LRRC4C: variants seen among roughly 807,000 people sequenced by gnomAD.
LRRC4C encodes leucine rich repeat containing 4C, also known as leucine-rich repeat-containing protein 4C.
Under a neutral mutation model 33.6 loss-of-function variants are expected in LRRC4C, and 5 were observed. The observed-to-expected ratio is 0.15, with a 90% confidence interval of 0.08 to 0.31. The LOEUF (loss-of-function observed/expected upper bound fraction) is 0.31, where lower values mean the gene tolerates loss of function less well. Ranked by LOEUF, LRRC4C falls within the 10% of genes least tolerant of loss-of-function variation. The pLI, the probability that LRRC4C is intolerant of heterozygous loss-of-function variation, is 1.00. For missense variants in LRRC4C, 560 were observed against 796.7 expected, an observed-to-expected ratio of 0.70 and a Z score of 3.58; for synonymous variants, 329 against 302.0, an observed-to-expected ratio of 1.09 and a Z score of -0.93.
intron 2 of LRRC4C, among the ~76,000 whole-genome samples, chr11:40,657,907 T>C (rs1190673118): frequency 6.6e-6 from 1 of 152,138 alleles, no homozygotes; most frequent in Non-Finnish European, 1.5e-5. Flanking sequence ...CAGTTATATC[T>C]ATAATATCAA....
intron 2 of LRRC4C, among the ~76,000 whole-genome samples, chr11:40,693,218 T>C (rs1945313625): frequency 6.6e-6 from 1 of 152,118 alleles, no homozygotes; most frequent in Admixed American, 6.6e-5. Flanking sequence ...ATAGCATTCA[T>C]AAAGAAGTGA....
intron 1 of LRRC4C, among the ~76,000 whole-genome samples, chr11:41,271,146 C>CTATAGTTGCCTCACATACGGTAAAGGTCA (rs1211762561): frequency 1.3e-5 from 2 of 152,136 alleles, no homozygotes; most frequent in Non-Finnish European, 2.9e-5. Flanking sequence ...GTTCAATCCT[C>CTATAGTTGCCTCACATACGGTAAAGGTCA]TATAGTTGCC....
At position 41,438,530 on chromosome 11, in the gene LRRC4C, G is replaced by A. The variant is rs60793304; in HGVS notation, c.-496+20901C>T. Among the ~76,000 whole-genome samples the A allele has an allele frequency of 2.7e-3, 412 of 152,220 alleles. 1 individual carries two copies. The highest frequency in any genetic ancestry group is 9.4e-3 in the African/African-American group (392 of 41,534). On this transcript the variant is annotated intron_variant, in intron 1 of 6. Coordinates refer to ENST00000528697, the MANE Select transcript of LRRC4C (RefSeq NM_001258419.2). ...AAGGAAATTGGGATATAAACGATGA[G>A]AAAGAAATTGCAATGAAAACAGTAT...
chr11:41,307,308 C>A (rs1950532838), intron 1 of LRRC4C, among the ~76,000 whole-genome samples: 1 of 152,058 alleles, frequency 6.6e-6, no homozygotes, highest in South Asian at 2.1e-4. Flanking sequence ...TTCAATCTTT[C>A]ACCATAACCT....
chr11:40,555,585 A>C (rs1957302329), intron 3 of LRRC4C, among the ~76,000 whole-genome samples: 1 of 152,218 alleles, frequency 6.6e-6, no homozygotes, highest in South Asian at 2.1e-4. Flanking sequence ...TCAAGAAACA[A>C]TTAGATGTAT....
intron 1 of LRRC4C, among the ~76,000 whole-genome samples, chr11:41,068,363 C>T (rs907351332): frequency 3.9e-5 from 6 of 151,946 alleles, no homozygotes; most frequent in Admixed American, 3.9e-4. Context: ...CGCACTCTAG[C>T]TTGGGCAACA....
chr11:41,358,838 C>T (rs1952251391), intron 1 of LRRC4C, among the ~76,000 whole-genome samples: 1 of 152,124 alleles, frequency 6.6e-6, no homozygotes, highest in East Asian at 1.9e-4. Flanking sequence ...CAAACATTCT[C>T]TTACCATATG....
intron 1 of LRRC4C, among the ~76,000 whole-genome samples, chr11:41,051,555 G>GAAAAAAAAAAAAAAAAAAAAAAAAA (rs1565337349): frequency 4.5e-4 from 37 of 82,752 alleles, no homozygotes; most frequent in Non-Finnish European, 5.5e-4. Flanking sequence ...AAAAAAAAAG[G>GAAAAAAAAAAAAAAAAAAAAAAAAA]AAAAATTAGT....
intron 1 of LRRC4C, among the ~76,000 whole-genome samples, chr11:41,163,615 G>GTT (rs111894064): frequency 0.05 from 7,226 of 143,158 alleles, 199 homozygotes; most frequent in East Asian, 0.072. Context: ...TTTAAAAACT[G>GTT]TTTTTTTTTT....
chr11:40,621,733 A>G (rs573060224), intron 3 of LRRC4C, among the ~76,000 whole-genome samples: 2 of 151,938 alleles, frequency 1.3e-5, no homozygotes, highest in South Asian at 2.1e-4. Context: ...TATGTGCTCA[A>G]TTAAAGTAAT....
At chr11:40,436,441 A>C (rs937898924) in intron 3 of LRRC4C, among the ~76,000 whole-genome samples, 1 of 152,196 alleles carries the variant, frequency 6.6e-6, no homozygotes, top group African/African-American at 2.4e-5. Context: ...TGAGTAATAA[A>C]GGCAAATTTC....
In LRRC4C at chr11:41,189,536, C is replaced by T. The variant is rs191862432; in HGVS notation, c.-495-255813G>A. Reference sequence around the variant, plus strand: ...GGAAAGTTTAAATGGGAGGATGATGCGATCCCACTCACACTGAAAAATACT... The same window carrying T: ...GGAAAGTTTAAATGGGAGGATGATGTGATCCCACTCACACTGAAAAATACT... On this transcript the variant is annotated intron_variant, in intron 1 of 6. Transcript: ENST00000528697. Among the ~76,000 whole-genome samples, 345 of 152,124 alleles carry T rather than the reference C, an allele frequency of 2.3e-3. 1 individual carries two copies. Among genetic ancestry groups the T allele is most frequent in the African/African-American group, 7.7e-3 (320 of 41,484 alleles).
In LRRC4C at chr11:40,687,860, C is replaced by T. The variant is rs1295031628; in HGVS notation, c.-406-39582G>A. On this transcript the variant is annotated intron_variant, in intron 2 of 6. Coordinates refer to ENST00000528697, the MANE Select transcript of LRRC4C (RefSeq NM_001258419.2). ...ACTACTTCCGAAGATTATTTTCTGG[C>T]ATAGAATTAAACTTTACAAACAATG... Among the ~76,000 whole-genome samples, 9 of 152,138 alleles carry T rather than the reference C, an allele frequency of 5.9e-5. No homozygotes were observed. The East Asian group carries it at 1.5e-3, about 26-fold the overall frequency.
intron 1 of LRRC4C, among the ~76,000 whole-genome samples, chr11:41,095,771 G>A (rs903105409): frequency 6.6e-5 from 10 of 152,184 alleles, no homozygotes; most frequent in Admixed American, 6.5e-4. Context: ...TGCAGGTGAA[G>A]ACATATTCTC....
chr11:40,552,296 G>C (rs1393222131), intron 3 of LRRC4C, among the ~76,000 whole-genome samples: 1 of 152,216 alleles, frequency 6.6e-6, no homozygotes, highest in Non-Finnish European at 1.5e-5. Context: ...AGATGAAATA[G>C]AGAGGTTAAG....
chr11:41,223,018 T>C (rs954662906), intron 1 of LRRC4C: 2 of 152,026 alleles, frequency 1.3e-5, no homozygotes, highest in Admixed American at 1.3e-4. Context: ...TCTGTAAGGA[T>C]TAAATGAGAT....
intron 3 of LRRC4C, among the ~76,000 whole-genome samples, chr11:40,504,602 G>T (rs1954941570): frequency 6.6e-6 from 1 of 152,144 alleles, no homozygotes; most frequent in African/African-American, 2.4e-5. Flanking sequence ...GGGCAGAAAT[G>T]ATTAGCTTGG....
intron 2 of LRRC4C, among the ~76,000 whole-genome samples, chr11:40,767,373 G>T (rs1354947342): frequency 6.6e-6 from 1 of 151,948 alleles, no homozygotes; most frequent in Non-Finnish European, 1.5e-5. Context: ...TACAATAATA[G>T]CTGGAAACAT....
chr11:40,916,519 G>A (rs1388625653), intron 2 of LRRC4C, among the ~76,000 whole-genome samples: 1 of 152,064 alleles, frequency 6.6e-6, no homozygotes, highest in African/African-American at 2.4e-5. Context: ...GACACAGGAA[G>A]GGGAACATCA....
Sources: gnomAD v4.1 joint callset for allele counts (sites outside exome capture counted in the v4.1 genomes callset) on GRCh38, gnomAD v4.1.1 for gene constraint, MANE v1.5 for transcripts, NCBI Gene and HGNC (gene_info 2026-07-23, HGNC 2026-07-21) for gene names.